Variants in MTUS2 observed in about 807,000 individuals in gnomAD.
MTUS2 encodes microtubule-associated tumor suppressor candidate 2.
Under a neutral mutation model 114.1 loss-of-function variants are expected in MTUS2, and 40 were observed. The ratio of observed to expected loss-of-function variants is 0.35; its 90% confidence interval spans 0.27 to 0.46. The LOEUF (loss-of-function observed/expected upper bound fraction) is 0.46, where lower values mean the gene tolerates loss of function less well. Ranked by LOEUF, MTUS2 falls within the 20% of genes least tolerant of loss-of-function variation. MTUS2 has a pLI of 1.00. For missense variants in MTUS2, 1,679 were observed against 1,705.4 expected (o/e 0.98, Z 0.27); for synonymous variants, 688 against 672.0 (o/e 1.02, Z -0.37).
chr13:29,402,502 C>T (rs895318880), intron 8 of MTUS2, among the ~76,000 whole-genome samples: 1 of 148,390 alleles, frequency 6.7e-6, no homozygotes, highest in African/African-American at 2.5e-5. Flanking sequence ...GCAGCAGCCA[C>T]AGAAAAACAA....
intron 9 of MTUS2, among the ~76,000 whole-genome samples, chr13:29,473,387 C>A (rs186034117): frequency 6.6e-4 from 101 of 152,244 alleles, no homozygotes; most frequent in African/African-American, 2.2e-3. Flanking sequence ...TTGGGACAGT[C>A]GTTGAGAGCA....
chr13:29,126,557 A>G (rs950202595), intron 5 of MTUS2, among the ~76,000 whole-genome samples: 1 of 152,184 alleles, frequency 6.6e-6, no homozygotes, highest in African/African-American at 2.4e-5. Flanking sequence ...GGCTCCATGC[A>G]GCCCAGGATG....
chr13:28,928,412 A>G (rs1291623096), intron 2 of MTUS2, among the ~76,000 whole-genome samples: 1 of 152,230 alleles, frequency 6.6e-6, no homozygotes, highest in Admixed American at 6.5e-5. Flanking sequence ...TAATAGCAAA[A>G]AACAAAATCC....
chr13:28,931,721 C>G (rs1041606422), intron 2 of MTUS2, among the ~76,000 whole-genome samples: 24 of 152,080 alleles, frequency 1.6e-4, no homozygotes, highest in Non-Finnish European at 3.2e-4. Context: ...GGTACATGTG[C>G]ACAACGTGCA....
chr13:29,010,829 A>G (rs1017717446), intron 2 of MTUS2, among the ~76,000 whole-genome samples: 2 of 152,110 alleles, frequency 1.3e-5, no homozygotes, highest in Non-Finnish European at 2.9e-5. Context: ...TCTGGTCAGG[A>G]GAAGGGGAGT....
chr13:28,984,435 G>A (rs1344387975), intron 2 of MTUS2, among the ~76,000 whole-genome samples: 1 of 152,186 alleles, frequency 6.6e-6, no homozygotes, highest in Non-Finnish European at 1.5e-5. Flanking sequence ...GAGACCAGAT[G>A]TGTTTGAGCA....
At chr13:29,321,331 A>G (rs1005608778) in intron 6 of MTUS2, among the ~76,000 whole-genome samples, 2 of 152,234 alleles carry the variant, frequency 1.3e-5, no homozygotes, top group African/African-American at 2.4e-5. Flanking sequence ...ACCAAAGACC[A>G]CACTAGCATT....
intron 2 of MTUS2, among the ~76,000 whole-genome samples, chr13:28,943,247 C>T (rs754365910): frequency 1.3e-5 from 2 of 152,144 alleles, no homozygotes; most frequent in African/African-American, 4.8e-5. Context: ...GCATAGTCTT[C>T]GGTTCATAAT....
chr13:29,223,189 G>A (rs1432324808), intron 5 of MTUS2, among the ~76,000 whole-genome samples: 1 of 152,182 alleles, frequency 6.6e-6, no homozygotes, highest in Admixed American at 6.5e-5. Context: ...GTGGACTGGA[G>A]TGAGAACTTA....
At chr13:28,961,883 T>C (rs1016968855) in intron 2 of MTUS2, among the ~76,000 whole-genome samples, 4 of 152,138 alleles carry the variant, frequency 2.6e-5, no homozygotes, top group African/African-American at 9.7e-5. Context: ...TTTGGTGGTT[T>C]GCAAATTCTT....
At chr13:29,145,637 AATTGAAAAATTGGACTT>A (rs2139018366) in intron 5 of MTUS2, among the ~76,000 whole-genome samples, 1 of 152,298 alleles carries the variant, frequency 6.6e-6, no homozygotes, top group East Asian at 1.9e-4. Flanking sequence ...GAGGTAGTCC[AATTGAAAAATTGGACTT>A]AGAGTGTTAC....
intron 7 of MTUS2, among the ~76,000 whole-genome samples, chr13:29,349,251 C>G (rs1869014558): frequency 6.6e-6 from 1 of 151,988 alleles, no homozygotes; most frequent in Non-Finnish European, 1.5e-5. Flanking sequence ...TTTTAACATT[C>G]TAGCTTCAAG....
intron 8 of MTUS2, among the ~76,000 whole-genome samples, chr13:29,392,706 TAGAG>T (rs1429748722): frequency 6.6e-6 from 1 of 152,146 alleles, no homozygotes. Flanking sequence ...GTCAGATTTA[TAGAG>T]AGAGAAAGAA....
At chr13:29,479,430 G>A (rs773216630) in intron 9 of MTUS2, among the ~76,000 whole-genome samples, 5 of 152,196 alleles carry the variant, frequency 3.3e-5, no homozygotes, top group African/African-American at 4.8e-5. Flanking sequence ...GTGAGCTCAG[G>A]CAGGAGCGAT....
intron 2 of MTUS2, among the ~76,000 whole-genome samples, chr13:29,003,055 G>A: frequency 6.6e-6 from 1 of 152,218 alleles, no homozygotes; most frequent in Non-Finnish European, 1.5e-5. Context: ...AGTTAAAATA[G>A]TTCAAGAAGA....
Position 29,505,738 on chromosome 13 carries a change from G to A in MTUS2, c.*2532G>A, listed in dbSNP as rs9805211. The A allele has an allele frequency of 1.7e-5, 4 of 229,046 alleles. No homozygotes were observed. Among genetic ancestry groups the A allele is most frequent in the East Asian group, 6.2e-5 (1 of 16,154 alleles). 14.2% of individuals were successfully genotyped at this position (229,046 alleles called of 1,614,324 possible). The stretch of plus-strand genomic sequence containing the variant: ...TCTCTTCGTGGCATTTGGGAGATGC[G>A]TGGGCGGCCTGCCCCCCGACCGCCG... On this transcript the variant is annotated 3_prime_UTR_variant, in exon 16 of 16. Transcript: ENST00000612955.
At chr13:29,187,537 AATGAG>A (rs1299302922) in intron 5 of MTUS2, among the ~76,000 whole-genome samples, 3 of 152,208 alleles carry the variant, frequency 2.0e-5, no homozygotes, top group Admixed American at 6.5e-5. Flanking sequence ...TTGAGCATTA[AATGAG>A]ATGTTTGTGA....
intron 5 of MTUS2, among the ~76,000 whole-genome samples, chr13:29,184,145 T>C (rs1169488284): frequency 6.6e-6 from 1 of 152,226 alleles, no homozygotes; most frequent in African/African-American, 2.4e-5. Context: ...AATATTTGTT[T>C]GCTGTTTTTT....
intron 5 of MTUS2, among the ~76,000 whole-genome samples, chr13:29,129,802 G>A (rs35686636): frequency 0.061 from 9,229 of 152,216 alleles, 385 homozygotes; most frequent in East Asian, 0.094. Flanking sequence ...TGCACTGTTG[G>A]GCTTGGGCTG....
Sources: allele counts gnomAD v4.1 joint callset (sites outside exome capture counted in the v4.1 genomes callset), GRCh38; gene constraint gnomAD v4.1.1; transcripts MANE v1.5; gene names NCBI Gene and HGNC (gene_info 2026-07-23, HGNC 2026-07-21).